Variants in ZNF644 observed in about 807,000 individuals in gnomAD.
The protein encoded by ZNF644 is zinc finger protein 644.
ZNF644 carries 20 observed loss-of-function variants against 108.0 expected under a neutral mutation model. The observed-to-expected ratio is 0.19, with a 90% CI of 0.13 to 0.27. The LOEUF (loss-of-function observed/expected upper bound fraction) is 0.27. ZNF644 is among the 10% of genes least tolerant of loss of function. The pLI, the probability that ZNF644 is intolerant of heterozygous loss-of-function variation, is 1.00. For missense variants in ZNF644, 1,338 were observed against 1,548.9 expected (o/e 0.86, Z 2.29); for synonymous variants, 542 against 539.1 (o/e 1.01, Z -0.08).
intron 2 of ZNF644, among the ~76,000 whole-genome samples, chr1:90,968,757 T>C (rs1435834675): frequency 6.6e-6 from 1 of 152,198 alleles, no homozygotes; most frequent in African/African-American, 2.4e-5. Flanking sequence ...ATGATTCTTT[T>C]CCTGAATACT....
rs896481458 is a variant in ZNF644 at position 90,998,531 on chromosome 1, C to T, written c.-17-16161G>A. Among the ~76,000 whole-genome samples the T allele has an allele frequency of 2.0e-5, 3 of 152,152 alleles. No individual in the cohort carries two copies. In the East Asian group the frequency reaches 5.8e-4, roughly 29 times the overall value. ...TAACAAACAGAAAGGACATCCACGC[C>T]AAAACCCCATCTCTACGTCATCTAC... On this transcript the variant is annotated intron_variant, in intron 1 of 5. Coordinates refer to ENST00000337393, the MANE Select transcript of ZNF644 (RefSeq NM_201269.3).
chr1:91,005,983 G>T (rs1659384443), intron 1 of ZNF644, among the ~76,000 whole-genome samples: 1 of 151,536 alleles, frequency 6.6e-6, no homozygotes, highest in African/African-American at 2.4e-5. Context: ...TCTTTGAAAA[G>T]AACAAAATTG....
chr1:91,016,383 G>A (rs868867300), intron 1 of ZNF644, among the ~76,000 whole-genome samples: 8 of 152,206 alleles, frequency 5.3e-5, no homozygotes, highest in Non-Finnish European at 1.2e-4. Flanking sequence ...CTAGATGGTA[G>A]AGCCTACTTA....
At chr1:91,008,911 G>A (rs1183644476) in intron 1 of ZNF644, among the ~76,000 whole-genome samples, 2 of 152,142 alleles carry the variant, frequency 1.3e-5, no homozygotes, top group Non-Finnish European at 2.9e-5. Context: ...TGTACCCAAA[G>A]CTGGAAAGGA....
At chr1:90,996,462 C>T (rs1279277168) in intron 1 of ZNF644, among the ~76,000 whole-genome samples, 1 of 152,118 alleles carries the variant, frequency 6.6e-6, no homozygotes, top group Admixed American at 6.5e-5. Context: ...GCCCTATTCC[C>T]ATTCTCCCCC....
chr1:90,982,423 A>G, intron 1 of ZNF644, 53 bp from the exon 2 acceptor site: 5 of 1,223,534 alleles, frequency 4.1e-6, no homozygotes, highest in Non-Finnish European at 6.0e-6. Flanking sequence ...TCAGGCATGA[A>G]TAACCATAGC....
At chr1:90,948,687 G>A (rs201723012) in intron 2 of ZNF644, among the ~76,000 whole-genome samples, 6 of 152,080 alleles carry the variant, frequency 3.9e-5, no homozygotes, top group East Asian at 3.8e-4. Flanking sequence ...TATATTCATC[G>A]AAAAAAATCC....
chr1:91,020,165 C>T (rs1660771554), intron 1 of ZNF644, among the ~76,000 whole-genome samples: 1 of 152,076 alleles, frequency 6.6e-6, no homozygotes, highest in South Asian at 2.1e-4. Flanking sequence ...AATACATTTG[C>T]TAATGTTAAT....
At chr1:91,015,394 C>T (rs1334435199) in intron 1 of ZNF644, among the ~76,000 whole-genome samples, 1 of 152,158 alleles carries the variant, frequency 6.6e-6, no homozygotes, top group East Asian at 1.9e-4. Context: ...ATTCCACCCG[C>T]CTCAATCTAG....
At chr1:90,998,592 A>G (rs1658422151) in intron 1 of ZNF644, among the ~76,000 whole-genome samples, 2 of 152,324 alleles carry the variant, frequency 1.3e-5, no homozygotes, top group South Asian at 4.1e-4. Context: ...AACCACAAAG[A>G]TGGGGAAAGA....
intron 1 of ZNF644, among the ~76,000 whole-genome samples, chr1:91,012,322 A>G (rs1660031022): frequency 6.6e-6 from 1 of 151,968 alleles, no homozygotes; most frequent in East Asian, 1.9e-4. Flanking sequence ...AAGAAAAAAA[A>G]AAAAAATCAG....
chr1:90,955,580 T>C (rs749334437), intron 2 of ZNF644, among the ~76,000 whole-genome samples: 4 of 152,222 alleles, frequency 2.6e-5, no homozygotes, highest in Non-Finnish European at 5.9e-5. Context: ...ATAACATGGC[T>C]TCTTTCCTTA....
rs556547115 is a variant in ZNF644 at position 90,940,894 on chromosome 1, T to C, written c.460A>G (p.Thr154Ala). The C allele has an allele frequency of 3.8e-5, 62 of 1,614,118 alleles. 1 individual carries two copies. The highest frequency in any genetic ancestry group is 2.3e-4 in the South Asian group (21 of 91,086). The stretch of plus-strand genomic sequence containing the variant: ...TGAAGATCAGCTGCTACCTTCAAAG[T>C]TGAACAAGATTCTGTTGTTGGCTGA... ...VDQPTTESCS[T>A]LKVAADLQLS... Residue 154 changes from threonine (T) to alanine (A), a missense_variant, in exon 3 of 6, where the codon ACT becomes GCT. Around this residue, in one of 6 missense-constraint regions of ZNF644, gnomAD observed 464 missense variants for 457.9 expected, o/e 1.01. Coordinates refer to ENST00000337393, the MANE Select transcript of ZNF644 (RefSeq NM_201269.3).
chr1:90,967,920 G>A (rs1655089688), intron 2 of ZNF644, among the ~76,000 whole-genome samples: 1 of 151,218 alleles, frequency 6.6e-6, no homozygotes, highest in South Asian at 2.1e-4. Flanking sequence ...AATTAGCCAG[G>A]AGTGGTGGCA....
At chr1:91,013,075 T>C (rs1361752140) in intron 1 of ZNF644, among the ~76,000 whole-genome samples, 1 of 152,096 alleles carries the variant, frequency 6.6e-6, no homozygotes, top group Admixed American at 6.5e-5. Flanking sequence ...TATTTATCTT[T>C]TTTCTTTTGT....
At chr1:91,006,035 A>T (rs1659389757) in intron 1 of ZNF644, among the ~76,000 whole-genome samples, 1 of 152,168 alleles carries the variant, frequency 6.6e-6, no homozygotes, top group Admixed American at 6.5e-5. Flanking sequence ...AGATCACTAC[A>T]GTGAGGAATG....
intron 1 of ZNF644, among the ~76,000 whole-genome samples, chr1:91,012,112 GA>G (rs900956379): frequency 2.0e-5 from 3 of 151,710 alleles, no homozygotes; most frequent in African/African-American, 7.3e-5. Flanking sequence ...TCACTGGGGG[GA>G]AAAAAGGGCC....
chr1:90,981,931 T>C (rs1216022282), intron 2 of ZNF644, among the ~76,000 whole-genome samples: 2 of 152,112 alleles, frequency 1.3e-5, no homozygotes, highest in Non-Finnish European at 2.9e-5. Flanking sequence ...ACTATTCATA[T>C]ACTTTATCAA....
chr1:90,942,389 T>A (rs1160094147), intron 2 of ZNF644, among the ~76,000 whole-genome samples: 1 of 152,194 alleles, frequency 6.6e-6, no homozygotes, highest in Non-Finnish European at 1.5e-5. Context: ...TATGAAAAGT[T>A]CCCTTGCAAC....
Sources: allele counts gnomAD v4.1 joint callset (sites outside exome capture counted in the v4.1 genomes callset), GRCh38; gene constraint gnomAD v4.1.1; regional missense constraint gnomAD v4.1.1; transcripts MANE v1.5; gene names NCBI Gene and HGNC (gene_info 2026-07-23, HGNC 2026-07-21).